TMEM131L: variants seen among roughly 807,000 people sequenced by gnomAD.
TMEM131L encodes transmembrane protein 131-like.
TMEM131L carries 54 observed loss-of-function variants against 192.2 expected under a neutral mutation model. The ratio of observed to expected loss-of-function variants is 0.28; its 90% confidence interval spans 0.23 to 0.35. The LOEUF (loss-of-function observed/expected upper bound fraction) is 0.35. Among genes scored for constraint, TMEM131L ranks in the 10% least tolerant of loss-of-function variants. The probability of loss-of-function intolerance (pLI) is 1.00; values close to 1 mark genes in which losing one functional copy is unlikely to be tolerated. For missense variants in TMEM131L, 1,888 were observed against 1,972.9 expected, an observed-to-expected ratio of 0.96 and a Z score of 0.82; for synonymous variants, 701 against 704.9, an observed-to-expected ratio of 0.99 and a Z score of 0.09.
At chr4:153,590,230 T>C (rs1730976127) in intron 16 of TMEM131L, among the ~76,000 whole-genome samples, 1 of 152,224 alleles carries the variant, frequency 6.6e-6, no homozygotes, top group Non-Finnish European at 1.5e-5. Flanking sequence ...GTTGATACTT[T>C]TTAAAAGTTC....
Position 153,593,604 on chromosome 4 carries a change from TGTGGGAATGTGGGGTGGAGCTGG to T in TMEM131L, c.1923-176_1923-154del, listed in dbSNP as rs35428142. Among the ~76,000 whole-genome samples, 1,387 of 152,058 alleles carry T rather than the reference TGTGGGAATGTGGGGTGGAGCTGG, an allele frequency of 9.1e-3. 12 individuals carry two copies. The highest frequency in any genetic ancestry group is 0.031 in the African/African-American group (1,294 of 41,470). On this transcript the variant is annotated intron_variant, in intron 18 of 34. Transcript: ENST00000409959. The stretch of plus-strand genomic sequence containing the variant: ...TCATTGACAATATGGCAGATATGGG[TGTGGGAATGTGGGGTGGAGCTGG>T]GTGGGAATGTGGGGTGGAATGTCGG...
intron 29 of TMEM131L, among the ~76,000 whole-genome samples, chr4:153,623,690 T>G (rs541481702): frequency 6.6e-6 from 1 of 152,336 alleles, no homozygotes; most frequent in African/African-American, 2.4e-5. Context: ...AGCATTTCCT[T>G]CCCTTTTATT....
chr4:153,495,353 G>A (rs1402741079), intron 3 of TMEM131L, among the ~76,000 whole-genome samples: 1 of 151,904 alleles, frequency 6.6e-6, no homozygotes, highest in Admixed American at 6.6e-5. Context: ...AGTTAATTTT[G>A]CCAAGGTTAA....
At chr4:153,488,899 C>T (rs903881744) in intron 3 of TMEM131L, among the ~76,000 whole-genome samples, 4 of 152,186 alleles carry the variant, frequency 2.6e-5, no homozygotes, top group Non-Finnish European at 5.9e-5. Flanking sequence ...GCACTCCAGT[C>T]TCTTGTCGCA....
At chr4:153,533,601 C>T (rs1318709963) in intron 3 of TMEM131L, among the ~76,000 whole-genome samples, 1 of 152,184 alleles carries the variant, frequency 6.6e-6, no homozygotes, top group African/African-American at 2.4e-5. Context: ...GAACCAGGCC[C>T]AGGCTGTGGG....
At chr4:153,632,889 G>T (rs766606360) in intron 32 of TMEM131L, 51 bp downstream of exon 32, 4 of 1,600,338 alleles carry the variant, frequency 2.5e-6, no homozygotes, top group African/African-American at 1.3e-5. Flanking sequence ...AGGGCTTGCA[G>T]TTGGAATTTG....
intron 9 of TMEM131L, 42 bp from the exon 10 acceptor site, chr4:153,583,148 T>C (rs1472442370): frequency 1.0e-6 from 1 of 964,870 alleles, no homozygotes. Context: ...TTTTAATCTC[T>C]GATTAAATAC....
Position 153,581,559 on chromosome 4 carries a change from A to T in TMEM131L, c.891A>T (p.Ser297=), listed in dbSNP as rs559623594. ...VYVATDESET[S]DDSAVNMYIL... ...TAGCTACAGATGAATCTGAGACCTCAGGTAAGGTGGAATGTTTAAAAATTT... is the reference window on the plus strand; with the variant it reads ...TAGCTACAGATGAATCTGAGACCTCTGGTAAGGTGGAATGTTTAAAAATTT... The change falls in exon 9 of 35, where the codon TCA becomes TCT. Residue 297 remains serine (S), a splice_region_variant and synonymous_variant. Coordinates refer to ENST00000409959, the MANE Select transcript of TMEM131L (RefSeq NM_001131007.2). The T allele has an allele frequency of 8.5e-6, 13 of 1,535,870 alleles. No individual in the cohort carries two copies. The South Asian group carries it at 1.5e-4, about 18-fold the overall frequency.
At chr4:153,585,907 A>G (rs769520242) in intron 13 of TMEM131L, among the ~76,000 whole-genome samples, 6 of 152,160 alleles carry the variant, frequency 3.9e-5, no homozygotes, top group Non-Finnish European at 8.8e-5. Context: ...AATATTATGT[A>G]TATGTATTGT....
chr4:153,526,194 G>C (rs575443423), intron 3 of TMEM131L, among the ~76,000 whole-genome samples: 1 of 152,142 alleles, frequency 6.6e-6, no homozygotes, highest in Non-Finnish European at 1.5e-5. Flanking sequence ...CAGGCGATGC[G>C]ATGCTGCTGG....
chr4:153,614,792 G>A (rs757740406), intron 26 of TMEM131L, among the ~76,000 whole-genome samples: 21 of 152,172 alleles, frequency 1.4e-4, no homozygotes, highest in African/African-American at 4.6e-4. Flanking sequence ...GTTACTCTGC[G>A]GGGAGATATG....
chr4:153,534,964 T>G (rs1736203271), intron 3 of TMEM131L, among the ~76,000 whole-genome samples: 1 of 152,140 alleles, frequency 6.6e-6, no homozygotes, highest in Non-Finnish European at 1.5e-5. Context: ...CGTGAGGCCT[T>G]GGAAATGCGG....
At chr4:153,485,022 G>A (rs1413664269) in intron 3 of TMEM131L, among the ~76,000 whole-genome samples, 7 of 149,652 alleles carry the variant, frequency 4.7e-5, no homozygotes, top group Non-Finnish European at 7.4e-5. Flanking sequence ...GGGAGGCTGA[G>A]GCAGGAGAAT....
At chr4:153,554,747 T>C (rs551996733) in intron 4 of TMEM131L, among the ~76,000 whole-genome samples, 3 of 152,322 alleles carry the variant, frequency 2.0e-5, no homozygotes, top group Admixed American at 6.5e-5. Flanking sequence ...GAAATGACTT[T>C]AGTGAAATTT....
At chr4:153,599,748 C>A (rs1731702118) in intron 21 of TMEM131L, among the ~76,000 whole-genome samples, 1 of 152,254 alleles carries the variant, frequency 6.6e-6, no homozygotes, top group Admixed American at 6.5e-5. Context: ...AGCCACTAGC[C>A]ACATGTGGTT....
chr4:153,552,007 G>A (rs1737662301), intron 4 of TMEM131L, among the ~76,000 whole-genome samples: 1 of 151,756 alleles, frequency 6.6e-6, no homozygotes, highest in Admixed American at 6.6e-5. Flanking sequence ...TCAGGAGTTC[G>A]AGACCAGCGT....
At chr4:153,544,389 G>A (rs1051699344) in intron 3 of TMEM131L, among the ~76,000 whole-genome samples, 4 of 152,208 alleles carry the variant, frequency 2.6e-5, no homozygotes, top group Non-Finnish European at 4.4e-5. Context: ...TCCACAGCAC[G>A]TCACCTGGGG....
At chr4:153,475,962 C>T (rs192266358) in intron 3 of TMEM131L, among the ~76,000 whole-genome samples, 1 of 152,184 alleles carries the variant, frequency 6.6e-6, no homozygotes, top group East Asian at 1.9e-4. Flanking sequence ...GTATTGATAA[C>T]TTTTTTTGTT....
chr4:153,521,354 C>CGGG (rs1735099193), intron 3 of TMEM131L, among the ~76,000 whole-genome samples: 1 of 152,168 alleles, frequency 6.6e-6, no homozygotes, highest in African/African-American at 2.4e-5. Context: ...TGCGTGTCTC[C>CGGG]TCTTGATGTT....
Sources: allele counts gnomAD v4.1 joint callset (sites outside exome capture counted in the v4.1 genomes callset), GRCh38; gene constraint gnomAD v4.1.1; transcripts MANE v1.5; gene names NCBI Gene and HGNC (gene_info 2026-07-23, HGNC 2026-07-21).